Variants in NISCH observed in about 807,000 individuals in gnomAD.
The protein encoded by NISCH is nischarin.
NISCH carries 55 observed loss-of-function variants against 138.4 expected under a neutral mutation model. The ratio of observed to expected loss-of-function variants is 0.40; its 90% CI spans 0.32 to 0.50. The LOEUF (loss-of-function observed/expected upper bound fraction) is 0.50. Among genes scored for constraint, NISCH ranks in the 20% least tolerant of loss-of-function variants. The pLI, the probability that NISCH is intolerant of heterozygous loss-of-function variation, is 0.71. For missense variants in NISCH, 1,643 were observed against 2,005.5 expected, an observed-to-expected ratio of 0.82 and a Z score of 3.45; for synonymous variants, 860 against 861.5, an observed-to-expected ratio of 1.00 and a Z score of 0.03.
rs551415644 is a variant in NISCH at position 52,491,584 on chromosome 3, G to C, written c.3904+71G>C. 9 of 1,500,500 alleles carry C rather than the reference G, an allele frequency of 6.0e-6. No individual in the cohort carries two copies. In the East Asian group the frequency reaches 1.6e-4, roughly 27 times the overall value. 92.9% of individuals were successfully genotyped at this position (1,500,500 alleles called of 1,614,324 possible). A position where few individuals can be genotyped will look rare whatever the true frequency, so the allele number is the denominator to read the frequency against. On this transcript the variant is annotated intron_variant, in intron 20 of 20. Transcript: ENST00000345716. ...GTCATGGGCCCCAGGGTGGCTCTCT[G>C]TGCCCCAGAACCCTCTCTGCCTCTA...
intron 4 of NISCH, chr3:52,471,436 A>G (rs1266751209): frequency 9.2e-6 from 3 of 324,838 alleles, no homozygotes; most frequent in Non-Finnish European, 1.7e-5. Context: ...CCACGCTGGC[A>G]CCATAGGCCT....
Position 52,455,641 on chromosome 3 carries a change from C to G in NISCH, c.-1C>G, listed in dbSNP as rs766433197. ...GCGGCGGTGGCGGCGGAGACCCGAA[C>G]ATGGCGACCGCGCGCACCTTCGGGC... is the stretch of plus-strand genomic sequence containing the variant. On this transcript the variant is annotated 5_prime_UTR_variant, in exon 1 of 21. Transcript: ENST00000345716. 3.7e-6 allele frequency: 5 copies of G among 1,337,122 alleles called. No homozygotes were observed. Among genetic ancestry groups the G allele is most frequent in the Non-Finnish European group, 4.8e-6 (5 of 1,036,162 alleles). 82.8% of individuals were successfully genotyped at this position (1,337,122 alleles called of 1,614,324 possible).
chr3:52,476,606 T>C lies in NISCH; in HGVS notation c.918+7T>C. On this transcript the variant is annotated splice_region_variant and intron_variant, in intron 8 of 20. Transcript: ENST00000345716. ...CGAGATCGACGAGTCTGTGGTATGC[T>C]CTCAGCAGCAGGTGCCAGGGGTTTC... The C allele has an allele frequency of 6.2e-7, 1 of 1,613,898 alleles. No individual in the cohort carries two copies. Among genetic ancestry groups the C allele is most frequent in the Non-Finnish European group, 8.5e-7 (1 of 1,179,834 alleles).
chr3:52,456,938 G>A (rs1706491286), intron 1 of NISCH, among the ~76,000 whole-genome samples: 1 of 152,184 alleles, frequency 6.6e-6, no homozygotes, highest in Admixed American at 6.5e-5. Context: ...CCCTATTCTG[G>A]ACTGCGCCCC....
intron 7 of NISCH, 105 bp from the exon 8 acceptor site, chr3:52,476,342 G>A: frequency 7.8e-7 from 1 of 1,274,508 alleles, no homozygotes; most frequent in Non-Finnish European, 1.1e-6. Context: ...ACTTCCACAT[G>A]CTAAATATGC....
intron 17 of NISCH, 29 bp downstream of exon 17, chr3:52,489,707 TGGCAC>T: frequency 1.3e-6 from 2 of 1,598,666 alleles, no homozygotes; most frequent in African/African-American, 2.7e-5. Context: ...GTGCCAGCTA[TGGCAC>T]GGCCAGTCCT....
Position 52,488,371 on chromosome 3 carries a change from C to T in NISCH, c.2879C>T (p.Thr960Ile). The T allele has an allele frequency of 1.9e-6, 3 of 1,613,782 alleles. No individual in the cohort carries two copies. Among genetic ancestry groups the T allele is most frequent in the African/African-American group, 1.3e-5 (1 of 75,070 alleles). ...CTGCTGGACCCCACACGCAGCTGTA[C>T]CCAGCCTCGGGGCGCCTTTGCTGAT... Reference protein sequence around the residue: ...TVLLDPTRSCTQPRGAFADGH... With the variant: ...TVLLDPTRSCIQPRGAFADGH... The change falls in exon 16 of 21, where the codon ACC (threonine) becomes ATC (isoleucine). Residue 960 changes from threonine to isoleucine, a missense_variant. Transcript: ENST00000345716.
chr3:52,477,748 C>A, intron 9 of NISCH, 106 bp downstream of exon 9: 1 of 927,696 alleles, frequency 1.1e-6, no homozygotes. Context: ...GTTGTAAGGG[C>A]AGGGGTTGCT....
chr3:52,491,667 A>T, intron 20 of NISCH, 154 bp downstream of exon 20: 1 of 1,060,538 alleles, frequency 9.4e-7, no homozygotes, highest in Non-Finnish European at 1.3e-6. Context: ...TCGATGGCAG[A>T]GTCTCCACTC....
At chr3:52,466,435 C>T (rs916305821) in intron 3 of NISCH, among the ~76,000 whole-genome samples, 6 of 151,892 alleles carry the variant, frequency 4.0e-5, no homozygotes, top group East Asian at 1.9e-4. Flanking sequence ...CATGGTGGCA[C>T]CCACCTGTAA....
Position 52,478,193 on chromosome 3 carries a change from C to G in NISCH, c.1084C>G (p.Leu362Val). The G allele has an allele frequency of 3.1e-6, 5 of 1,614,130 alleles. No homozygotes were observed. The highest frequency in any genetic ancestry group is 1.7e-6 in the Non-Finnish European group (2 of 1,179,998). ...GCTGGGGAACATCAAGACCTTAAAC[C>G]TGGCAGGCAACCTCCTAGAGAGTCT... The part of the protein sequence containing the change: ...TKLGNIKTLN[L>V]AGNLLESLSG... Residue 362 changes from leucine (L) to valine (V), a missense_variant, in exon 10 of 21, where the codon CTG (leucine) becomes GTG (valine). By Grantham distance (32) the Leu-to-Val change is conservative. Transcript: ENST00000345716.
intron 3 of NISCH, chr3:52,470,612 G>A (rs1706917075): frequency 1.7e-6 from 1 of 572,644 alleles, no homozygotes; most frequent in East Asian, 2.9e-5. Flanking sequence ...CCTATGGACT[G>A]GAGTCGCAGC....
chr3:52,484,462 T>TGGGGG, intron 13 of NISCH, 51 bp from the exon 14 acceptor site: 222 of 788,630 alleles, frequency 2.8e-4, no homozygotes, highest in Non-Finnish European at 3.7e-4. Flanking sequence ...ACAGCCGCTC[T>TGGGGG]CCCCGCCCCA....
chr3:52,482,487 C>T (rs1433275428), intron 13 of NISCH, among the ~76,000 whole-genome samples: 1 of 152,180 alleles, frequency 6.6e-6, no homozygotes, highest in Non-Finnish European at 1.5e-5. Context: ...CAGCTGAGTT[C>T]GCATGCCAGC....
At position 52,455,741 on chromosome 3, in the gene NISCH, T is replaced by TG; in HGVS notation, c.93+12dup. 1.5e-6 allele frequency: 2 copies of TG among 1,349,114 alleles called. No homozygotes were observed. Among genetic ancestry groups the TG allele is most frequent in the East Asian group, 2.8e-5 (1 of 35,536 alleles). 83.6% of individuals were successfully genotyped at this position (1,349,114 alleles called of 1,614,324 possible). A position where few individuals can be genotyped will look rare whatever the true frequency, so the allele number is the denominator to read the frequency against. ...GCTTGTGGACACTTATACGGTGTGT[T>TG]GGGGGCGCGGGCACCCGAAGCGGGG... On this transcript the variant is annotated splice_region_variant and intron_variant, in intron 1 of 20. Coordinates refer to ENST00000345716, the MANE Select transcript of NISCH (RefSeq NM_007184.4).
chr3:52,480,749 C>G, intron 13 of NISCH: 1 of 1,429,468 alleles, frequency 7.0e-7, no homozygotes. Flanking sequence ...GTGGGGTGAC[C>G]CAGCCCCAGA....
intron 3 of NISCH, among the ~76,000 whole-genome samples, chr3:52,468,944 C>T (rs533726946): frequency 1.7e-4 from 26 of 151,960 alleles, no homozygotes; most frequent in African/African-American, 6.0e-4. Flanking sequence ...AAATGAAAAA[C>T]CTCTGTCAGA....
Position 52,478,274 on chromosome 3 carries a change from A to T in NISCH, c.1165A>T (p.Ile389Phe). Residue 389 changes from isoleucine to phenylalanine, a missense_variant, in exon 10 of 21, where the codon ATC (isoleucine) becomes TTC (phenylalanine). Ile to Phe is a conservative substitution (Grantham distance 21). Coordinates refer to ENST00000345716, the MANE Select transcript of NISCH (RefSeq NM_007184.4). ...LVNLDLRDNRIEQMEEVRSIG... is the reference protein window; with the variant it reads ...LVNLDLRDNRFEQMEEVRSIG... ...CAACCTGGATCTCCGGGACAACAGG[A>T]TCGAACAGGTGAGCCCAAGGACCTC... The T allele has an allele frequency of 6.2e-7, 1 of 1,614,086 alleles. No individual in the cohort carries two copies. Among genetic ancestry groups the T allele is most frequent in the Non-Finnish European group, 8.5e-7 (1 of 1,179,966 alleles).
chr3:52,471,427 C>G (rs949341016), intron 4 of NISCH: 1 of 331,462 alleles, frequency 3.0e-6, no homozygotes, highest in Non-Finnish European at 5.6e-6. Context: ...GGCTCTGCAC[C>G]ACGCTGGCAC....
Sources: allele counts gnomAD v4.1 joint callset (sites outside exome capture counted in the v4.1 genomes callset), GRCh38; gene constraint gnomAD v4.1.1; transcripts MANE v1.5; gene names NCBI Gene and HGNC (gene_info 2026-07-23, HGNC 2026-07-21).